ZAN: variants seen among roughly 807,000 people sequenced by gnomAD.
The protein encoded by ZAN is zonadhesin.
Under a neutral mutation model 286.2 loss-of-function variants are expected in ZAN, and 260 were observed. The observed-to-expected ratio is 0.91, with a 90% CI of 0.82 to 1.01. The LOEUF (loss-of-function observed/expected upper bound fraction) is 1.01. ZAN is among the 50% of genes least tolerant of loss of function. ZAN has a pLI of 0.00. For missense variants in ZAN, 3,410 were observed against 3,639.2 expected, an observed-to-expected ratio of 0.94 and a Z score of 1.62; for synonymous variants, 1,368 against 1,417.5, an observed-to-expected ratio of 0.97 and a Z score of 0.79.
intron 45 of ZAN, among the ~76,000 whole-genome samples, chr7:100,796,058 C>T (rs1010238946): frequency 6.6e-6 from 1 of 151,794 alleles, no homozygotes; most frequent in Non-Finnish European, 1.5e-5. Context: ...CCAGCCTGGG[C>T]GACCAAGACT....
intron 11 of ZAN, among the ~76,000 whole-genome samples, chr7:100,748,800 G>A (rs947140141): frequency 1.3e-5 from 2 of 151,794 alleles, no homozygotes; most frequent in Admixed American, 6.6e-5. Context: ...AGGCCGAGAC[G>A]GGAAGATTGC....
intron 34 of ZAN, among the ~76,000 whole-genome samples, chr7:100,777,330 T>G (rs1302995425): frequency 6.6e-6 from 1 of 151,664 alleles, no homozygotes; most frequent in Non-Finnish European, 1.5e-5. Context: ...CATGAGCGAC[T>G]GCACCTGGAC....
chr7:100,750,787 G>A lies in ZAN; in HGVS notation c.1412G>A (p.Ser471Asn), dbSNP rs752077201. The change falls in exon 12 of 48, where the codon AGT becomes AAT. Residue 471 changes from serine to asparagine, a missense_variant. Transcript: ENST00000613979. ...ACTATGCTCGAACTCCTCCTGGGAA[G>A]TCCTGCGGGGAGTCCCCCGATTCCT... ...EGTMLELLLG[S>N]PAGSPPIPLW... 1.9e-6 allele frequency: 3 copies of A among 1,611,320 alleles called. No individual in the cohort carries two copies. Among genetic ancestry groups the A allele is most frequent in the Admixed American group, 3.3e-5 (2 of 59,790 alleles).
chr7:100,751,843 A>G lies in ZAN; in HGVS notation c.1738A>G (p.Thr580Ala), dbSNP rs1290804245. The G allele has an allele frequency of 6.2e-7, 1 of 1,613,340 alleles. No homozygotes were observed. The highest frequency in any genetic ancestry group is 8.5e-7 in the Non-Finnish European group (1 of 1,179,674). ...AGTTTCCATAGAAAAACCCAGTGTC[A>G]CCACAGAAAAGCCCACAGTCCCCAA... ...PTVSIEKPSV[T>A]TEKPTVPKEK... The change falls in exon 14 of 48, where the codon ACC (threonine) becomes GCC (alanine). Residue 580 changes from threonine (T) to alanine (A), a missense_variant. Transcript: ENST00000613979.
chr7:100,764,506 TA>T (rs753594441), intron 22 of ZAN, among the ~76,000 whole-genome samples: 5 of 111,232 alleles, frequency 4.5e-5, no homozygotes, highest in African/African-American at 7.5e-5. Context: ...AAAAATAAAA[TA>T]AAATAAATAA....
At chr7:100,782,395 C>G (rs982716698) in intron 35 of ZAN, among the ~76,000 whole-genome samples, 26 of 152,114 alleles carry the variant, frequency 1.7e-4, no homozygotes, top group Non-Finnish European at 3.5e-4. Context: ...GTGGCACGAT[C>G]CCGGATCACT....
rs1236614437 is a variant in ZAN at position 100,750,873 on chromosome 7, T to A, written c.1498T>A (p.Ser500Thr). The part of the protein sequence containing the change: ...YWQNTSVTVP[S>T]GHQQPMQLIF... ...GCAGAACACCTCCGTCACCGTCCCC[T>A]CAGGACACCAACAGCCCATGCAGGT... Residue 500 changes from serine (S) to threonine (T), a missense_variant, in exon 12 of 48, where the codon TCA (serine) becomes ACA (threonine). Ser to Thr is a moderately conservative substitution (Grantham distance 58). Transcript: ENST00000613979. 2 of 1,560,590 alleles carry A rather than the reference T, an allele frequency of 1.3e-6. No homozygotes were observed. The highest frequency in any genetic ancestry group is 1.7e-6 in the Non-Finnish European group (2 of 1,150,976).
intron 19 of ZAN, among the ~76,000 whole-genome samples, chr7:100,760,912 T>A (rs1809531302): frequency 6.6e-6 from 1 of 152,132 alleles, no homozygotes. Context: ...TTCTTTTTTT[T>A]GAGACAGGAT....
At position 100,767,230 on chromosome 7, in the gene ZAN, C is replaced by G. The variant is rs1448752459; in HGVS notation, c.4833C>G (p.Ile1611Met). 1 of 1,612,064 alleles carries G rather than the reference C, an allele frequency of 6.2e-7. No homozygotes were observed. Among genetic ancestry groups the G allele is most frequent in the Non-Finnish European group, 8.5e-7 (1 of 1,179,872 alleles). ...ACGTGACAGTCTTTGACCTCAGCAT[C>G]TCACTGCTCAGAGGCTGTAAGGTCA... The part of the protein sequence containing the change: ...AVHVTVFDLS[I>M]SLLRGCKVML... The change falls in exon 25 of 48, where the codon ATC becomes ATG. Residue 1611 changes from isoleucine to methionine, a missense_variant. This residue lies in a region of ZAN where 1,042 missense variants were observed against 1,058.0 expected (regional missense o/e 0.98). Coordinates refer to ENST00000613979, the MANE Select transcript of ZAN (RefSeq NM_003386.3).
rs1229192325 is a variant in ZAN at position 100,771,974 on chromosome 7, T to G, written c.5379T>G (p.Cys1793Trp). The change falls in exon 29 of 48, where the codon TGT becomes TGG. Residue 1793 changes from cysteine to tryptophan, a missense_variant. Cys to Trp is a radical substitution (Grantham distance 215, BLOSUM62 -2). Around this residue, in one of 7 missense-constraint regions of ZAN, gnomAD observed 1,289 missense variants for 1,314.3 expected, o/e 0.98. Coordinates refer to ENST00000613979, the MANE Select transcript of ZAN (RefSeq NM_003386.3). The part of the protein sequence containing the change: ...CRSLQAYASL[C>W]AQAGQAPAWR... The stretch of plus-strand genomic sequence containing the variant: ...CCCTGCAGGCCTACGCGTCCCTGTG[T>G]GCCCAGGCTGGCCAGGCCCCTGCCT... 2.5e-6 allele frequency: 4 copies of G among 1,608,876 alleles called. No individual in the cohort carries two copies. The Admixed American group carries it at 6.7e-5, about 27-fold the overall frequency.
intron 29 of ZAN, 69 bp from the exon 30 acceptor site, chr7:100,773,216 T>C (rs1810508555): frequency 5.1e-6 from 8 of 1,570,358 alleles, no homozygotes; most frequent in Non-Finnish European, 6.9e-6. Context: ...TACTAGGAGC[T>C]TTTGATGCCC....
chr7:100,757,999 T>C (rs1482546443), intron 15 of ZAN, among the ~76,000 whole-genome samples: 4 of 149,338 alleles, frequency 2.7e-5, no homozygotes, highest in Non-Finnish European at 5.9e-5. Context: ...GGCAGGAGGA[T>C]GGTTTGAGCC....
chr7:100,757,525 C>G (rs980606665), intron 15 of ZAN, among the ~76,000 whole-genome samples: 1 of 151,710 alleles, frequency 6.6e-6, no homozygotes, highest in Non-Finnish European at 1.5e-5. Flanking sequence ...GAGGCCAAGG[C>G]GGGCGGATCA....
At chr7:100,788,953 C>T (rs1811755673) in intron 38 of ZAN, among the ~76,000 whole-genome samples, 1 of 152,138 alleles carries the variant, frequency 6.6e-6, no homozygotes, top group Non-Finnish European at 1.5e-5. Context: ...CCCGACTCGG[C>T]CTCCCAAAGT....
rs1296444033 is a variant in ZAN, at chr7:100,763,757, G to A, written c.3987-49G>A. 2 of 1,576,606 alleles carry A rather than the reference G, an allele frequency of 1.3e-6. No homozygotes were observed. Among genetic ancestry groups the A allele is most frequent in the South Asian group, 1.1e-5 (1 of 89,436 alleles). ...TTGCTGCCTGCTGGGTTAGGGATGAGCTGGAAGCGAGCTTTGTCTTTAGGG... is the reference window on the plus strand; with the variant it reads ...TTGCTGCCTGCTGGGTTAGGGATGAACTGGAAGCGAGCTTTGTCTTTAGGG... On this transcript the variant is annotated intron_variant, in intron 20 of 47. Coordinates refer to ENST00000613979, the MANE Select transcript of ZAN (RefSeq NM_003386.3). The surrounding 1 kb of genome is among the most constrained non-coding windows in gnomAD (Gnocchi z 4.6).
intron 11 of ZAN, 104 bp from the exon 12 acceptor site, chr7:100,750,521 A>G (rs1334144695): frequency 1.5e-6 from 2 of 1,326,034 alleles, no homozygotes; most frequent in South Asian, 1.4e-5. Flanking sequence ...GGGAAATTTG[A>G]GTGTTTGCTC....
At position 100,748,043 on chromosome 7, in the gene ZAN, G is replaced by C. The variant is rs1311759730; in HGVS notation, c.1024-94G>C. Reference sequence around the variant, plus strand: ...ATTGAGGGTCTGGGCACAGGGAGTAGGGATTCTGGGTCCTGGAATGGAGTC... The same window carrying C: ...ATTGAGGGTCTGGGCACAGGGAGTACGGATTCTGGGTCCTGGAATGGAGTC... On this transcript the variant is annotated intron_variant, in intron 9 of 47. Transcript: ENST00000613979. 5 of 1,017,608 alleles carry C rather than the reference G, an allele frequency of 4.9e-6. No homozygotes were observed. In the Admixed American group the frequency reaches 7.8e-5, roughly 16 times the overall value. The allele number at this position is 1,017,608 out of a possible 1,614,324, so 63.0% of individuals were successfully genotyped here. A position where few individuals can be genotyped will look rare whatever the true frequency, so the allele number is the denominator to read the frequency against.
intron 36 of ZAN, among the ~76,000 whole-genome samples, chr7:100,785,346 TC>T (rs1811492257): frequency 1.3e-5 from 2 of 149,956 alleles, no homozygotes; most frequent in South Asian, 4.3e-4. Flanking sequence ...TTCTCCTGCC[TC>T]AGTCTCCTGT....
At chr7:100,790,708 C>A (rs1450283296) in intron 39 of ZAN, among the ~76,000 whole-genome samples, 3 of 151,658 alleles carry the variant, frequency 2.0e-5, no homozygotes, top group Admixed American at 2.0e-4. Flanking sequence ...CATGGTGAAA[C>A]ACTGTCTCTA....
Sources: allele counts gnomAD v4.1 joint callset (sites outside exome capture counted in the v4.1 genomes callset), GRCh38; gene constraint gnomAD v4.1.1; regional missense constraint gnomAD v4.1.1; non-coding constraint Gnocchi (gnomAD v3.1); transcripts MANE v1.5; gene names NCBI Gene and HGNC (gene_info 2026-07-23, HGNC 2026-07-21).